The following RAPGEF6 variants were observed in gnomAD, a reference collection of about 807,000 sequenced individuals.
The protein encoded by RAPGEF6 is Rap guanine nucleotide exchange factor 6.
A neutral mutation model predicts 171.4 loss-of-function variants in RAPGEF6; 56 were observed. That is an observed-to-expected ratio of 0.33 (90% confidence interval 0.26 to 0.41). The LOEUF is 0.41. Ranked by LOEUF, RAPGEF6 falls within the 10% of genes least tolerant of loss-of-function variation. The pLI is 1.00. For missense variants in RAPGEF6, 1,674 were observed against 1,921.4 expected, an observed-to-expected ratio of 0.87 and a Z score of 2.41; for synonymous variants, 692 against 650.1, an observed-to-expected ratio of 1.06 and a Z score of -0.98.
intron 3 of RAPGEF6, among the ~76,000 whole-genome samples, chr5:131,594,466 G>T (rs1471152941): frequency 6.6e-6 from 1 of 152,248 alleles, no homozygotes; most frequent in Non-Finnish European, 1.5e-5. Context: ...CCCTCATGGA[G>T]AACCTCCACT....
chr5:131,475,087 A>C (rs1755010070), intron 16 of RAPGEF6, among the ~76,000 whole-genome samples: 1 of 152,254 alleles, frequency 6.6e-6, no homozygotes, highest in Non-Finnish European at 1.5e-5. Context: ...TGCTCAATAG[A>C]GAAAACACTG....
At chr5:131,598,062 C>T (rs1764005516) in intron 3 of RAPGEF6, among the ~76,000 whole-genome samples, 1 of 151,598 alleles carries the variant, frequency 6.6e-6, no homozygotes, top group Admixed American at 6.6e-5. Flanking sequence ...CTAAAACCAA[C>T]AGAAAAAAAA....
Position 131,426,250 on chromosome 5 carries a change from C to T in RAPGEF6, c.*1016G>A, listed in dbSNP as rs1427047971. The T allele has an allele frequency of 6.6e-6, 1 of 152,276 alleles. No homozygotes were observed. Among genetic ancestry groups the T allele is most frequent in the Non-Finnish European group, 1.5e-5 (1 of 68,030 alleles). The allele number at this position is 152,276 out of a possible 1,614,324, so 9.4% of individuals were successfully genotyped here. On this transcript the variant is annotated 3_prime_UTR_variant, in exon 28 of 28. Transcript: ENST00000509018. ...GATGTGGGGGAGGCATGCTGCAGAA[C>T]ACTGCATAAAGTCAAATTCGTCTTC...
At chr5:131,488,100 C>T (rs73786684) in intron 15 of RAPGEF6, among the ~76,000 whole-genome samples, 1 of 152,102 alleles carries the variant, frequency 6.6e-6, no homozygotes, top group African/African-American at 2.4e-5. Context: ...GCTATGTTCC[C>T]CCTTTGCAGC....
chr5:131,514,474 A>G lies in RAPGEF6; in HGVS notation c.628-3983T>C, dbSNP rs767998340. Among the ~76,000 whole-genome samples, 9 of 152,322 alleles carry G rather than the reference A, an allele frequency of 5.9e-5. 1 individual carries two copies. The South Asian group carries it at 1.7e-3, about 28-fold the overall frequency. On this transcript the variant is annotated intron_variant, in intron 7 of 27. Coordinates refer to ENST00000509018, the MANE Select transcript of RAPGEF6 (RefSeq NM_016340.6). The stretch of plus-strand genomic sequence containing the variant: ...TCAGCATACAATAAAAACTTACTAC[A>G]TAAGTGAAGCAGGGAAATGTGACCT...
At chr5:131,632,572 T>C (rs1268766911) in intron 1 of RAPGEF6, among the ~76,000 whole-genome samples, 1 of 152,228 alleles carries the variant, frequency 6.6e-6, no homozygotes, top group East Asian at 1.9e-4. Flanking sequence ...CTCTTCATGC[T>C]ATCAGAATGT....
At chr5:131,450,970 A>G (rs996530561) in intron 21 of RAPGEF6, among the ~76,000 whole-genome samples, 9 of 152,184 alleles carry the variant, frequency 5.9e-5, no homozygotes, top group Non-Finnish European at 5.9e-5. Flanking sequence ...CAGGGTCACA[A>G]ATTCATCATG....
At chr5:131,464,303 C>T (rs1370137277) in intron 17 of RAPGEF6, 22 bp from the exon 18 acceptor site, 1 of 1,593,544 alleles carries the variant, frequency 6.3e-7, no homozygotes, top group South Asian at 1.1e-5. Flanking sequence ...GAAAGATATG[C>T]TTTGTTATTT....
At chr5:131,597,312 C>T (rs1300070013) in intron 3 of RAPGEF6, among the ~76,000 whole-genome samples, 1 of 146,310 alleles carries the variant, frequency 6.8e-6, no homozygotes, top group African/African-American at 2.5e-5. Flanking sequence ...ATGGAGGTTA[C>T]TAAAAAAAAA....
intron 15 of RAPGEF6, 109 bp from the exon 16 acceptor site, chr5:131,479,862 C>T: frequency 1.7e-6 from 2 of 1,169,146 alleles, no homozygotes; most frequent in Non-Finnish European, 2.4e-6. Flanking sequence ...TTTGAACTTT[C>T]TCAGTCTCAT....
intron 15 of RAPGEF6, among the ~76,000 whole-genome samples, chr5:131,488,774 A>G (rs1756093866): frequency 6.6e-6 from 1 of 152,098 alleles, no homozygotes. Context: ...AACCTAAAAA[A>G]CCTAGAGAGA....
intron 1 of RAPGEF6, among the ~76,000 whole-genome samples, chr5:131,629,446 A>C (rs1766155588): frequency 6.6e-6 from 1 of 152,102 alleles, no homozygotes; most frequent in African/African-American, 2.4e-5. Context: ...AAGCAACTGC[A>C]TGTGTGGTAG....
rs138464859 is a variant in RAPGEF6, at chr5:131,441,617, A to C, written c.3610+732T>G. On this transcript the variant is annotated intron_variant, in intron 23 of 27. Coordinates refer to ENST00000509018, the MANE Select transcript of RAPGEF6 (RefSeq NM_016340.6). ...TGCATATACCCCTGGCATAAGAAGA[A>C]GACACATTATATTGAAGTTACCTGT... is the stretch of plus-strand genomic sequence containing the variant. Among the ~76,000 whole-genome samples, 412 of 152,342 alleles carry C rather than the reference A, an allele frequency of 2.7e-3. 1 individual carries two copies. Among genetic ancestry groups the C allele is most frequent in the African/African-American group, 9.5e-3 (395 of 41,574 alleles).
In RAPGEF6 at chr5:131,464,122, A is replaced by G; in HGVS notation, c.2399T>C (p.Val800Ala). 6.2e-7 allele frequency: 1 copy of G among 1,613,976 alleles called. No individual in the cohort carries two copies. Among genetic ancestry groups the G allele is most frequent in the Non-Finnish European group, 8.5e-7 (1 of 1,179,928 alleles). Reference sequence around the variant, plus strand: ...CTGTTTTATGACACCCTCAGGAGTAACAGAAACTTCACAGAGAGAATATGT... The same window carrying G: ...CTGTTTTATGACACCCTCAGGAGTAGCAGAAACTTCACAGAGAGAATATGT... ...SDTYSLCEVSVTPEGVIKQRR... is the reference protein window; with the variant it reads ...SDTYSLCEVSATPEGVIKQRR... The change falls in exon 18 of 28, where the codon GTT becomes GCT. Residue 800 changes from valine (V) to alanine (A), a missense_variant. Val to Ala is a moderately conservative substitution (Grantham distance 64). Around this residue, in one of 3 missense-constraint regions of RAPGEF6, gnomAD observed 1,116 missense variants for 1,321.5 expected, o/e 0.84. Coordinates refer to ENST00000509018, the MANE Select transcript of RAPGEF6 (RefSeq NM_016340.6).
At chr5:131,502,915 C>T (rs1399547264) in intron 11 of RAPGEF6, among the ~76,000 whole-genome samples, 1 of 152,190 alleles carries the variant, frequency 6.6e-6, no homozygotes, top group Non-Finnish European at 1.5e-5. Context: ...TCTCCTGCTT[C>T]AGCCTCCCGA....
chr5:131,479,589 C>T lies in RAPGEF6; in HGVS notation c.2005G>A (p.Val669Ile). 1 of 1,613,950 alleles carries T rather than the reference C, an allele frequency of 6.2e-7. No homozygotes were observed. Among genetic ancestry groups the T allele is most frequent in the Non-Finnish European group, 8.5e-7 (1 of 1,179,928 alleles). The stretch of plus-strand genomic sequence containing the variant: ...CTGATTTTGTTTCTTCCACCTGAAA[C>T]AGTATTTGCTTTAACTTTCTTACTT... ...KGSKKVKANTVSGGRNKIRKI... is the reference protein window; with the variant it reads ...KGSKKVKANTISGGRNKIRKI... Residue 669 changes from valine to isoleucine, a missense_variant, in exon 16 of 28, where the codon GTT (valine) becomes ATT (isoleucine). By Grantham distance (29) the Val-to-Ile change is conservative. Coordinates refer to ENST00000509018, the MANE Select transcript of RAPGEF6 (RefSeq NM_016340.6).
chr5:131,565,836 A>G (rs932719859), intron 4 of RAPGEF6, among the ~76,000 whole-genome samples: 2 of 152,138 alleles, frequency 1.3e-5, no homozygotes, highest in African/African-American at 4.8e-5. Flanking sequence ...ATAACACCAT[A>G]AACAAAAATT....
rs748711022 is a variant in RAPGEF6, at chr5:131,474,861, T to C, written c.2082-2117A>G. Among the ~76,000 whole-genome samples the C allele has an allele frequency of 2.0e-5, 3 of 152,114 alleles. No individual in the cohort carries two copies. In the South Asian group the frequency reaches 6.2e-4, roughly 32 times the overall value. ...TTGGACACAGAGGGTGCGACAACAA[T>C]CCAAGGAAGCAAACCATTAAAGAGG... On this transcript the variant is annotated intron_variant, in intron 16 of 27. Transcript: ENST00000509018.
At chr5:131,457,324 G>C (rs1228659572) in intron 19 of RAPGEF6, among the ~76,000 whole-genome samples, 1 of 152,154 alleles carries the variant, frequency 6.6e-6, no homozygotes, top group Non-Finnish European at 1.5e-5. Flanking sequence ...GCCTGCCTTG[G>C]CTTCCCAAAG....
Sources: gnomAD v4.1 joint callset for allele counts (sites outside exome capture counted in the v4.1 genomes callset) on GRCh38, gnomAD v4.1.1 for gene constraint, gnomAD v4.1.1 regional missense constraint, MANE v1.5 for transcripts, NCBI Gene and HGNC (gene_info 2026-07-23, HGNC 2026-07-21) for gene names.